Variants in RANBP3 observed in about 807,000 individuals in gnomAD.
RANBP3 encodes the protein ran-binding protein 3.
In RANBP3, 14 loss-of-function variants were observed where a neutral mutation model predicts 77.3. The observed-to-expected ratio is 0.18, with a 90% CI of 0.12 to 0.28. The LOEUF is 0.28. Among genes scored for constraint, RANBP3 ranks in the 10% least tolerant of loss-of-function variants. The probability of loss-of-function intolerance (pLI) is 1.00; values close to 1 mark genes in which losing one functional copy is unlikely to be tolerated. For missense variants in RANBP3, 586 were observed against 752.3 expected (o/e 0.78, Z 2.59); for synonymous variants, 315 against 312.4 (o/e 1.01, Z -0.09).
At chr19:5,930,126 G>C (rs2057969399) in intron 8 of RANBP3, among the ~76,000 whole-genome samples, 1 of 152,252 alleles carries the variant, frequency 6.6e-6, no homozygotes, top group Non-Finnish European at 1.5e-5. Context: ...GAGATGGCGG[G>C]ACGGGCTGGG....
chr19:5,963,690 G>C (rs1336326714), intron 1 of RANBP3, among the ~76,000 whole-genome samples: 3 of 152,204 alleles, frequency 2.0e-5, no homozygotes, highest in Non-Finnish European at 4.4e-5. Flanking sequence ...GACAACACTG[G>C]TGTGTGAAGC....
At chr19:5,964,914 C>T (rs768066105) in intron 1 of RANBP3, among the ~76,000 whole-genome samples, 1 of 149,368 alleles carries the variant, frequency 6.7e-6, no homozygotes, top group Non-Finnish European at 1.5e-5. Context: ...GAGGTCTGCA[C>T]ATTTATACCT....
chr19:5,970,574 C>T (rs770577128), intron 1 of RANBP3, among the ~76,000 whole-genome samples: 4 of 152,096 alleles, frequency 2.6e-5, no homozygotes, highest in Non-Finnish European at 4.4e-5. Context: ...TATGGCATCA[C>T]ATGAGTAGAG....
intron 5 of RANBP3, among the ~76,000 whole-genome samples, chr19:5,941,137 C>T (rs141836307): frequency 0.01 from 1,586 of 152,338 alleles, 11 homozygotes; most frequent in Non-Finnish European, 0.015. Context: ...TCTGCTGGGG[C>T]CTCCTGGCTT....
rs2058286855 is a variant in RANBP3, at chr19:5,952,405, C to T, written c.79-809G>A. Among the ~76,000 whole-genome samples, 1 of 152,186 alleles carries T rather than the reference C, an allele frequency of 6.6e-6. No homozygotes were observed. Among genetic ancestry groups the T allele is most frequent in the African/African-American group, 2.4e-5 (1 of 41,444 alleles). On this transcript the variant is annotated intron_variant, in intron 2 of 16. Transcript: ENST00000340578. This position sits in a 1 kb window ranked among gnomAD's most constrained non-coding sequence, Gnocchi z 4.1. The stretch of plus-strand genomic sequence containing the variant: ...GTCTTCCTCCCCACAGTACAACACC[C>T]AGCATCCTTTAAGGTGGTTCCTGGG...
intron 5 of RANBP3, among the ~76,000 whole-genome samples, chr19:5,938,501 C>T (rs2058094161): frequency 6.6e-6 from 1 of 152,064 alleles, no homozygotes; most frequent in African/African-American, 2.4e-5. Flanking sequence ...ACCAGCCTGG[C>T]CAACACGGTG....
In RANBP3 at chr19:5,959,581, A is replaced by G. The variant is rs1475153317; in HGVS notation, c.23-1608T>C. Among the ~76,000 whole-genome samples, 1 of 152,170 alleles carries G rather than the reference A, an allele frequency of 6.6e-6. No homozygotes were observed. The highest frequency in any genetic ancestry group is 1.9e-4 in the East Asian group (1 of 5,192). On this transcript the variant is annotated intron_variant, in intron 1 of 16. Transcript: ENST00000340578. The surrounding 1 kb of genome is among the most constrained non-coding windows in gnomAD (Gnocchi z 5.1). ...AGCAGGGGAGGTCAGAGGGGTCTCC[A>G]ACCAGACTTCCAGGTTTCCCTAAGC...
intron 1 of RANBP3, among the ~76,000 whole-genome samples, chr19:5,961,595 G>A (rs1289844831): frequency 1.3e-5 from 2 of 152,088 alleles, no homozygotes; most frequent in African/African-American, 4.8e-5. Flanking sequence ...TGAGCCAGGC[G>A]TGGTGGCGCA....
At chr19:5,919,017 C>T (rs947991164) in intron 14 of RANBP3, among the ~76,000 whole-genome samples, 2 of 152,194 alleles carry the variant, frequency 1.3e-5, no homozygotes, top group Non-Finnish European at 2.9e-5. Context: ...GGGTGGGCTG[C>T]GGGAGGCAGG....
rs373511808 is a variant in RANBP3, at chr19:5,941,059, C to T, written c.406+562G>A. Among the ~76,000 whole-genome samples the T allele has an allele frequency of 1.1e-4, 16 of 152,368 alleles. No homozygotes were observed. The East Asian group carries it at 2.3e-3, about 22-fold the overall frequency. ...AGCCTGCCCTGCTCCACAGTCCGAG[C>T]CTGGCCCACCCTTCCAGGCCCCCGC... On this transcript the variant is annotated intron_variant, in intron 5 of 16. Coordinates refer to ENST00000340578, the MANE Select transcript of RANBP3 (RefSeq NM_007322.3).
At chr19:5,956,122 TAAAC>T (rs1186641098) in intron 2 of RANBP3, among the ~76,000 whole-genome samples, 1 of 151,956 alleles carries the variant, frequency 6.6e-6, no homozygotes, top group African/African-American at 2.4e-5. Flanking sequence ...GATAAAAACA[TAAAC>T]AAATAAAACA....
At chr19:5,950,206 G>A (rs951246710) in intron 3 of RANBP3, among the ~76,000 whole-genome samples, 5 of 152,172 alleles carry the variant, frequency 3.3e-5, no homozygotes, top group African/African-American at 1.2e-4. Flanking sequence ...GTGCGCTCAT[G>A]GGAGGGCTGT....
At chr19:5,931,877 T>C (rs908718187) in intron 7 of RANBP3, among the ~76,000 whole-genome samples, 2 of 151,526 alleles carry the variant, frequency 1.3e-5, no homozygotes, top group Non-Finnish European at 2.9e-5. Flanking sequence ...TAAAATAAGA[T>C]AAAACAAACT....
intron 2 of RANBP3, among the ~76,000 whole-genome samples, chr19:5,954,233 G>A (rs1267528000): frequency 6.6e-6 from 1 of 152,172 alleles, no homozygotes. Context: ...GGTGTGGTCT[G>A]AGATCTCGTT....
chr19:5,961,817 A>G (rs1396613235), intron 1 of RANBP3, among the ~76,000 whole-genome samples: 1 of 152,148 alleles, frequency 6.6e-6, no homozygotes, highest in East Asian at 1.9e-4. Flanking sequence ...GACAGGCCAC[A>G]TCCAGCCACT....
intron 3 of RANBP3, among the ~76,000 whole-genome samples, chr19:5,942,715 A>C (rs1210210775): frequency 5.3e-5 from 8 of 151,978 alleles, no homozygotes; most frequent in South Asian, 2.1e-4. Flanking sequence ...AAAAAAAAAA[A>C]AAAAACAAAA....
intron 14 of RANBP3, among the ~76,000 whole-genome samples, chr19:5,919,434 G>C (rs2057788794): frequency 6.6e-6 from 1 of 152,202 alleles, no homozygotes; most frequent in African/African-American, 2.4e-5. Flanking sequence ...GGCCGAGTGG[G>C]AGAAAGACAG....
Position 5,968,137 on chromosome 19 carries a change from T to C in RANBP3, c.22+9924A>G, listed in dbSNP as rs191545385. 1.5e-3 allele frequency among the ~76,000 whole-genome samples: 225 copies of C among 152,298 alleles called. 2 individuals are homozygous for C. The highest frequency in any genetic ancestry group is 5.0e-3 in the African/African-American group (209 of 41,546). On this transcript the variant is annotated intron_variant, in intron 1 of 16. Transcript: ENST00000340578. ...TGACACCAACACAGCTGAGGCAACA[T>C]GCAAGTGGCTGAAGACTCGGGAAAG...
chr19:5,977,797 C>A (rs1049920336), intron 1 of RANBP3, among the ~76,000 whole-genome samples: 3 of 152,198 alleles, frequency 2.0e-5, no homozygotes, highest in Non-Finnish European at 4.4e-5. Flanking sequence ...CGCAGAGGGG[C>A]CTTAGGGCTG....
Sources: allele counts gnomAD v4.1 joint callset (sites outside exome capture counted in the v4.1 genomes callset), GRCh38; gene constraint gnomAD v4.1.1; non-coding constraint Gnocchi (gnomAD v3.1); transcripts MANE v1.5; gene names NCBI Gene and HGNC (gene_info 2026-07-23, HGNC 2026-07-21).